Variants in TUSC3 observed in about 807,000 individuals in gnomAD.
TUSC3 encodes dolichyl-diphosphooligosaccharide--protein glycosyltransferase subunit TUSC3.
Under a neutral mutation model 44.8 loss-of-function variants are expected in TUSC3, and 45 were observed. The ratio of observed to expected loss-of-function variants is 1.00; its 90% CI spans 0.79 to 1.29. The LOEUF (loss-of-function observed/expected upper bound fraction) is 1.29. Ranked by LOEUF, TUSC3 falls within the 50% of genes most tolerant of loss-of-function variation. The probability of loss-of-function intolerance (pLI) is 0.00; values close to 1 mark genes in which losing one functional copy is unlikely to be tolerated. For synonymous variants in TUSC3, 212 were observed against 152.9 expected (o/e 1.39, Z -2.85); for missense variants, 519 against 437.9 (o/e 1.19, Z -1.65).
At chr8:15,576,663 AGT>A (rs1389944962) in intron 1 of TUSC3, among the ~76,000 whole-genome samples, 12 of 139,644 alleles carry the variant, frequency 8.6e-5, no homozygotes. Context: ...ATGGCTGCAT[AGT>A]ATTCCATGGT....
chr8:15,775,281 C>A, the TUSC3 span, among the ~76,000 whole-genome samples: 16 of 151,948 alleles, frequency 1.1e-4, no homozygotes, highest in East Asian at 3.1e-3. Flanking sequence ...AAAGCAGATG[C>A]GTGGTTGCCA....
At chr8:15,834,786 C>T in the TUSC3 span, among the ~76,000 whole-genome samples, 1 of 152,104 alleles carries the variant, frequency 6.6e-6, no homozygotes, top group African/African-American at 2.4e-5. Context: ...TCTTTGTATG[C>T]TACCATTTAC....
chr8:15,803,922 G>C, the TUSC3 span, among the ~76,000 whole-genome samples: 201 of 152,218 alleles, frequency 1.3e-3, 1 homozygote, highest in African/African-American at 4.7e-3. Flanking sequence ...GTGTATATGT[G>C]CCACATTTTC....
chr8:15,784,496 G>GTC, the TUSC3 span, among the ~76,000 whole-genome samples: 1 of 140,510 alleles, frequency 7.1e-6, no homozygotes, highest in East Asian at 2.2e-4. Context: ...AATGTTATGT[G>GTC]TATGTGTGTG....
At chr8:15,761,503 A>T (rs1296437353) in intron 10 of TUSC3, among the ~76,000 whole-genome samples, 4 of 152,166 alleles carry the variant, frequency 2.6e-5, no homozygotes. Context: ...ACTCTTGCCA[A>T]TTAGCTTCCA....
chr8:15,523,014 A>G (rs981237583), intron 2 of TUSC3, among the ~76,000 whole-genome samples: 1 of 152,150 alleles, frequency 6.6e-6, no homozygotes, highest in African/African-American at 2.4e-5. Flanking sequence ...CTGATGCTCA[A>G]TCCTGTAAGA....
the TUSC3 span, among the ~76,000 whole-genome samples, chr8:15,781,081 G>C: frequency 6.6e-6 from 1 of 152,188 alleles, no homozygotes; most frequent in Admixed American, 6.5e-5. Flanking sequence ...CTGAGCAGGA[G>C]CTTAGCACTT....
chr8:15,707,901 T>G (rs2129198249), intron 6 of TUSC3, among the ~76,000 whole-genome samples: 1 of 152,036 alleles, frequency 6.6e-6, no homozygotes, highest in South Asian at 2.1e-4. Context: ...CATGCCTCTT[T>G]CTTAGGTTCT....
At chr8:15,736,728 C>T (rs574457358) in intron 7 of TUSC3, among the ~76,000 whole-genome samples, 2 of 151,964 alleles carry the variant, frequency 1.3e-5, no homozygotes, top group Non-Finnish European at 2.9e-5. Flanking sequence ...GCCTTTTTTT[C>T]TATCAATCAG....
At chr8:15,614,004 G>C (rs897731383) in intron 1 of TUSC3, among the ~76,000 whole-genome samples, 1 of 119,036 alleles carries the variant, frequency 8.4e-6, no homozygotes, top group Non-Finnish European at 1.7e-5. Context: ...TGAAGCTTCT[G>C]GTGTTTTGTT....
At chr8:15,467,292 A>AT (rs1563258856) in intron 1 of TUSC3, among the ~76,000 whole-genome samples, 1 of 151,808 alleles carries the variant, frequency 6.6e-6, no homozygotes, top group Non-Finnish European at 1.5e-5. Context: ...AAAAAAAAAA[A>AT]AAAAGTGTGT....
chr8:15,711,861 G>A (rs1207058063), intron 6 of TUSC3, among the ~76,000 whole-genome samples: 1 of 151,646 alleles, frequency 6.6e-6, no homozygotes, highest in Non-Finnish European at 1.5e-5. Flanking sequence ...AAAATATATA[G>A]CTTCCTCCTC....
intron 3 of TUSC3, among the ~76,000 whole-genome samples, chr8:15,652,799 A>G (rs1410234822): frequency 1.3e-5 from 2 of 152,190 alleles, no homozygotes; most frequent in Admixed American, 1.3e-4. Context: ...AGATCCAACA[A>G]GACTGCTAGA....
At chr8:15,772,960 C>A in the TUSC3 span, among the ~76,000 whole-genome samples, 1 of 21,816 alleles carries the variant, frequency 4.6e-5, no homozygotes, top group Non-Finnish European at 1.0e-4. Flanking sequence ...ACCCATCCAT[C>A]ATTTAAAAGT....
intron 1 of TUSC3, among the ~76,000 whole-genome samples, chr8:15,440,613 T>A (rs898440611): frequency 6.6e-6 from 1 of 152,180 alleles, no homozygotes; most frequent in South Asian, 2.1e-4. Context: ...AATATTAGAA[T>A]TGACTTAAGC....
chr8:15,459,872 G>A (rs544408227), intron 1 of TUSC3, among the ~76,000 whole-genome samples: 5 of 144,620 alleles, frequency 3.5e-5, no homozygotes, highest in East Asian at 2.0e-4. Context: ...GTGTGTGTGT[G>A]TGTATACATA....
rs1811994986 is a variant in TUSC3, at chr8:15,757,826, C to T, written c.*17C>T. On this transcript the variant is annotated 3_prime_UTR_variant, in exon 10 of 11. Transcript: ENST00000503731. ...TTTGAGTGAGAAGATGTGATTTGGA[C>T]CATGGCACTTAAAAACTCTATAACC... 1 of 1,391,554 alleles carries T rather than the reference C, an allele frequency of 7.2e-7. No individual in the cohort carries two copies. Among genetic ancestry groups the T allele is most frequent in the Non-Finnish European group, 1.0e-6 (1 of 977,348 alleles). The allele number at this position is 1,391,554 out of a possible 1,614,324, so 86.2% of individuals were successfully genotyped here.
chr8:15,759,604 C>G (rs576746850), intron 10 of TUSC3, among the ~76,000 whole-genome samples: 2 of 152,196 alleles, frequency 1.3e-5, no homozygotes, highest in South Asian at 4.1e-4. Flanking sequence ...CCACCAGTGA[C>G]CAAATCCAAA....
At chr8:15,517,144 T>C (rs1010301668) in intron 2 of TUSC3, among the ~76,000 whole-genome samples, 4 of 152,142 alleles carry the variant, frequency 2.6e-5, no homozygotes, top group Non-Finnish European at 5.9e-5. Context: ...AGGGATTCTC[T>C]AGCAATAGCT....
Sources: gnomAD v4.1 joint callset for allele counts (sites outside exome capture counted in the v4.1 genomes callset) on GRCh38, gnomAD v4.1.1 for gene constraint, MANE v1.5 for transcripts, NCBI Gene and HGNC (gene_info 2026-07-23, HGNC 2026-07-21) for gene names.